Variants in OR11H4 observed in about 807,000 individuals in gnomAD.
OR11H4 encodes the protein olfactory receptor family 11 subfamily H member 4.
For missense variants in OR11H4, 460 were observed against 371.1 expected (o/e 1.24, Z -1.97); for synonymous variants, 162 against 142.3 (o/e 1.14, Z -0.98).
chr14:20,240,036 G>A (rs1391587666), intron 1 of OR11H4, among the ~76,000 whole-genome samples: 2 of 152,166 alleles, frequency 1.3e-5, no homozygotes, highest in Non-Finnish European at 2.9e-5. Context: ...CACTTGCAGA[G>A]TAGGGTAGTA....
chr14:20,243,394 A>AG lies in OR11H4; in HGVS notation c.574dup (p.Ala192GlyfsTer5). On this transcript the variant is annotated frameshift_variant, in exon 2 of 2. Coordinates refer to ENST00000641082, the MANE Select transcript of OR11H4 (RefSeq NM_001004479.2). LOFTEE classifies it low-confidence loss of function (END_TRUNC). ...CATTGATGGCTCTATCCTGTGCCCC[A>AG]GCTCCCATAACTGAATGTATTTTCT... 1 of 1,614,070 alleles carries AG rather than the reference A, an allele frequency of 6.2e-7. No homozygotes were observed.
intron 1 of OR11H4, among the ~76,000 whole-genome samples, chr14:20,239,776 A>G (rs1417387955): frequency 6.6e-6 from 1 of 152,136 alleles, no homozygotes; most frequent in Non-Finnish European, 1.5e-5. Flanking sequence ...AATCAGGAGA[A>G]ACAGTATGTT....
Position 20,243,343 on chromosome 14 carries a change from T to G in OR11H4, c.522T>G (p.Ile174Met). The G allele has an allele frequency of 6.2e-7, 1 of 1,613,982 alleles. No individual in the cohort carries two copies. Among genetic ancestry groups the G allele is most frequent in the Non-Finnish European group, 8.5e-7 (1 of 1,179,834 alleles). The stretch of plus-strand genomic sequence containing the variant: ...TCCCCTTCTGTGGTCCTAATATCAT[T>G]GATCACTTCCTGTGTGACATGGACC... ...SQLPFCGPNI[I>M]DHFLCDMDPL... The change falls in exon 2 of 2, where the codon ATT (isoleucine) becomes ATG (methionine). Residue 174 changes from isoleucine to methionine, a missense_variant. Transcript: ENST00000641082.
At chr14:20,240,892 TA>T (rs745445870) in intron 1 of OR11H4, among the ~76,000 whole-genome samples, 3 of 152,164 alleles carry the variant, frequency 2.0e-5, no homozygotes, top group Admixed American at 6.5e-5. Context: ...ACCACTTTTT[TA>T]AGACTTAATC....
At position 20,242,906 on chromosome 14, in the gene OR11H4, T is replaced by C; in HGVS notation, c.85T>C (p.Ser29Pro). ...CTGGAAGATTCAGATTTTCCTCTTC[T>C]CATTGTTTTTGGTGATTTATGTCTT... is the stretch of plus-strand genomic sequence containing the variant. ...GCWKIQIFLF[S>P]LFLVIYVLTL... The change falls in exon 2 of 2, where the codon TCA (serine) becomes CCA (proline). Residue 29 changes from serine (S) to proline (P), a missense_variant. By Grantham distance (74) the Ser-to-Pro change is moderately conservative (BLOSUM62 -1). Transcript: ENST00000641082. 1 of 1,614,178 alleles carries C rather than the reference T, an allele frequency of 6.2e-7. No homozygotes were observed. The highest frequency in any genetic ancestry group is 2.2e-5 in the East Asian group (1 of 44,886).
In OR11H4 at chr14:20,243,950, ATCCAC is replaced by A; in HGVS notation, c.*186_*190del. On this transcript the variant is annotated 3_prime_UTR_variant, in exon 2 of 2. Coordinates refer to ENST00000641082, the MANE Select transcript of OR11H4 (RefSeq NM_001004479.2). ...AAACCTTAATTAACTGGTCTTCAAC[ATCCAC>A]TTAAAAGTTTTCAAAGCCTGTCTTT... 1 of 495,176 alleles carries A rather than the reference ATCCAC, an allele frequency of 2.0e-6. No individual in the cohort carries two copies. The highest frequency in any genetic ancestry group is 3.8e-5 in the Admixed American group (1 of 26,442). 30.7% of individuals were successfully genotyped at this position (495,176 alleles called of 1,614,324 possible).
chr14:20,243,286 A>G lies in OR11H4; in HGVS notation c.465A>G (p.Gly155=), dbSNP rs750633858. The change falls in exon 2 of 2, where the codon GGA becomes GGG. Residue 155 remains glycine (G), a synonymous_variant. Transcript: ENST00000641082. ...VSFCWLIGFL[G]YPIPIFYISQ... is the part of the protein sequence containing the mutation. Reference sequence around the variant, plus strand: ...TCTGTTGGCTTATTGGATTCCTTGGATACCCAATTCCCATTTTCTACATCT... The same window carrying G: ...TCTGTTGGCTTATTGGATTCCTTGGGTACCCAATTCCCATTTTCTACATCT... 3.1e-6 allele frequency: 5 copies of G among 1,613,850 alleles called. No individual in the cohort carries two copies. The highest frequency in any genetic ancestry group is 1.3e-5 in the African/African-American group (1 of 74,854).
Position 20,241,281 on chromosome 14 carries a change from G to A in OR11H4, c.-11-1530G>A, listed in dbSNP as rs138502637. ...AACATAAAAATAAACACTGCCGTTC[G>A]TTAGAGATGTTTTTAAAATATTATC... On this transcript the variant is annotated intron_variant, in intron 1 of 1. Coordinates refer to ENST00000641082, the MANE Select transcript of OR11H4 (RefSeq NM_001004479.2). Among the ~76,000 whole-genome samples the A allele has an allele frequency of 3.2e-3, 484 of 152,242 alleles. 3 individuals are homozygous for A. The highest frequency in any genetic ancestry group is 9.7e-3 in the African/African-American group (402 of 41,536).
At position 20,243,383 on chromosome 14, in the gene OR11H4, T is replaced by G; in HGVS notation, c.562T>G (p.Ser188Ala). The change falls in exon 2 of 2, where the codon TCC becomes GCC. Residue 188 changes from serine to alanine, a missense_variant. Coordinates refer to ENST00000641082, the MANE Select transcript of OR11H4 (RefSeq NM_001004479.2). ...TGACATGGACCCATTGATGGCTCTA[T>G]CCTGTGCCCCAGCTCCCATAACTGA... is the stretch of plus-strand genomic sequence containing the variant. ...LCDMDPLMAL[S>A]CAPAPITECI... is the part of the protein sequence containing the mutation. 6.2e-7 allele frequency: 1 copy of G among 1,614,186 alleles called. No individual in the cohort carries two copies. The highest frequency in any genetic ancestry group is 8.5e-7 in the Non-Finnish European group (1 of 1,180,026).
chr14:20,241,287 G>T (rs144088564), intron 1 of OR11H4, among the ~76,000 whole-genome samples: 52 of 152,238 alleles, frequency 3.4e-4, no homozygotes, highest in African/African-American at 1.2e-3. Context: ...GTTCGTTAGA[G>T]ATGTTTTTAA....
chr14:20,241,631 G>A lies in OR11H4; in HGVS notation c.-11-1180G>A, dbSNP rs187604357. 7.4e-3 allele frequency among the ~76,000 whole-genome samples: 1,132 copies of A among 152,318 alleles called. 8 individuals carry two copies. Among genetic ancestry groups the A allele is most frequent in the Non-Finnish European group, 0.011 (780 of 68,030 alleles). On this transcript the variant is annotated intron_variant, in intron 1 of 1. Transcript: ENST00000641082. Reference sequence around the variant, plus strand: ...GACGAGAGACTGAGAAAAGAAATAAGACACAGAGACAAAGTATAGAGAAAC... The same window carrying A: ...GACGAGAGACTGAGAAAAGAAATAAAACACAGAGACAAAGTATAGAGAAAC...
chr14:20,239,490 C>A (rs758861458), intron 1 of OR11H4, among the ~76,000 whole-genome samples, 159 bp downstream of exon 1: 1 of 152,084 alleles, frequency 6.6e-6, no homozygotes, highest in Admixed American at 6.6e-5. Context: ...GTCAGGAGAT[C>A]CAGACCATCC....
chr14:20,243,167 G>T lies in OR11H4; in HGVS notation c.346G>T (p.Ala116Ser). Residue 116 changes from alanine (A) to serine (S), a missense_variant, in exon 2 of 2, where the codon GCA becomes TCA. Coordinates refer to ENST00000641082, the MANE Select transcript of OR11H4 (RefSeq NM_001004479.2). Reference sequence around the variant, plus strand: ...GGGAACAACTGAATGTCTCTTTCTGGCAGTAATGGCTTATGATCGATACCT... The same window carrying T: ...GGGAACAACTGAATGTCTCTTTCTGTCAGTAATGGCTTATGATCGATACCT... Reference protein sequence around the residue: ...SLGTTECLFLAVMAYDRYLAI... With the variant: ...SLGTTECLFLSVMAYDRYLAI... The T allele has an allele frequency of 6.2e-7, 1 of 1,614,064 alleles. No individual in the cohort carries two copies. Among genetic ancestry groups the T allele is most frequent in the Non-Finnish European group, 8.5e-7 (1 of 1,180,022 alleles).
intron 1 of OR11H4, among the ~76,000 whole-genome samples, chr14:20,241,768 G>C (rs1285026706): frequency 1.3e-5 from 2 of 152,082 alleles, no homozygotes; most frequent in Admixed American, 6.6e-5. Context: ...CAGCAAAAAG[G>C]AATGTAGTAG....
rs1256261381 is a variant in OR11H4, at chr14:20,244,063, T to C, written c.*297T>C. 1.3e-5 allele frequency: 3 copies of C among 236,970 alleles called. No individual in the cohort carries two copies. The highest frequency in any genetic ancestry group is 2.4e-5 in the Non-Finnish European group (3 of 122,924). 14.7% of individuals were successfully genotyped at this position (236,970 alleles called of 1,614,324 possible). On this transcript the variant is annotated 3_prime_UTR_variant, in exon 2 of 2. Coordinates refer to ENST00000641082, the MANE Select transcript of OR11H4 (RefSeq NM_001004479.2). ...GGTTCATCATTGTATATCTTCTTCC[T>C]CATTGCAACAAGACAATAAACCCAA...
At position 20,243,192 on chromosome 14, in the gene OR11H4, T is replaced by A. The variant is rs1227692689; in HGVS notation, c.371T>A (p.Leu124Gln). The A allele has an allele frequency of 6.2e-6, 10 of 1,614,078 alleles. No homozygotes were observed. The highest frequency in any genetic ancestry group is 8.5e-6 in the Non-Finnish European group (10 of 1,180,022). The change falls in exon 2 of 2, where the codon CTG (leucine) becomes CAG (glutamine). Residue 124 changes from leucine (L) to glutamine (Q), a missense_variant. By Grantham distance (113) the Leu-to-Gln change is moderately radical (BLOSUM62 -2). Transcript: ENST00000641082. Reference protein sequence around the residue: ...FLAVMAYDRYLAICHPLQYPA... With the variant: ...FLAVMAYDRYQAICHPLQYPA... ...GCAGTAATGGCTTATGATCGATACC[T>A]GGCCATCTGCCACCCACTGCAGTAC...
At chr14:20,242,130 C>A (rs1880944508) in intron 1 of OR11H4, among the ~76,000 whole-genome samples, 1 of 151,996 alleles carries the variant, frequency 6.6e-6, no homozygotes, top group Non-Finnish European at 1.5e-5. Flanking sequence ...TCAGCACAGA[C>A]CCTTTACGGG....
In OR11H4 at chr14:20,243,233, G is replaced by A; in HGVS notation, c.412G>A (p.Val138Ile). The A allele has an allele frequency of 6.2e-7, 1 of 1,614,156 alleles. No individual in the cohort carries two copies. Among genetic ancestry groups the A allele is most frequent in the Non-Finnish European group, 8.5e-7 (1 of 1,180,030 alleles). ...HPLQYPAIMTVRFCGKLVSFC... is the reference protein window; with the variant it reads ...HPLQYPAIMTIRFCGKLVSFC... ...ACTGCAGTACCCTGCCATCATGACT[G>A]TAAGGTTCTGTGGTAAGCTGGTGTC... is the stretch of plus-strand genomic sequence containing the variant. Residue 138 changes from valine to isoleucine, a missense_variant, in exon 2 of 2, where the codon GTA becomes ATA. Transcript: ENST00000641082.
At chr14:20,240,378 C>T (rs901967560) in intron 1 of OR11H4, among the ~76,000 whole-genome samples, 1 of 152,118 alleles carries the variant, frequency 6.6e-6, no homozygotes, top group African/African-American at 2.4e-5. Flanking sequence ...TTTATGCATC[C>T]TTAAAAACTA....
Sources: gnomAD v4.1 joint callset for allele counts (sites outside exome capture counted in the v4.1 genomes callset) on GRCh38, gnomAD v4.1.1 for gene constraint, MANE v1.5 for transcripts, NCBI Gene and HGNC (gene_info 2026-07-23, HGNC 2026-07-21) for gene names.